TCIRG1: variants seen among roughly 807,000 people sequenced by gnomAD.
The protein encoded by TCIRG1 is T cell immune regulator 1, ATPase H+ transporting V0 subunit a3.
TCIRG1 carries 86 observed loss-of-function variants against 95.5 expected under a neutral mutation model. That is an observed-to-expected ratio of 0.90 (90% CI 0.76 to 1.08). TCIRG1 has a LOEUF of 1.08. Ranked by LOEUF, TCIRG1 falls within the 50% of genes least tolerant of loss-of-function variation. TCIRG1 has a pLI of 0.00. For missense variants in TCIRG1, 1,069 were observed against 1,140.2 expected, an observed-to-expected ratio of 0.94 and a Z score of 0.90; for synonymous variants, 499 against 501.3, an observed-to-expected ratio of 1.00 and a Z score of 0.06.
chr11:68,044,458 C>T, intron 9 of TCIRG1, 114 bp downstream of exon 9: 1 of 852,772 alleles, frequency 1.2e-6, no homozygotes, highest in South Asian at 1.5e-5. Flanking sequence ...CTAGGGGCTC[C>T]TTCTCCTCCC....
Position 68,045,054 on chromosome 11 carries a change from G to A in TCIRG1, c.1117G>A (p.Gly373Ser), listed in dbSNP as rs1855410170. 1 of 1,605,652 alleles carries A rather than the reference G, an allele frequency of 6.2e-7. No individual in the cohort carries two copies. The highest frequency in any genetic ancestry group is 8.5e-7 in the Non-Finnish European group (1 of 1,179,994). ...CAACCGCTTCACGGCCAGCTTCCAG[G>A]GCATCGTGGATGCCTACGGCGTGGG... The part of the protein sequence containing the change: ...RTNRFTASFQ[G>S]IVDAYGVGRY... The change falls in exon 10 of 20, where the codon GGC becomes AGC. Residue 373 changes from glycine (G) to serine (S), a missense_variant. By Grantham distance (56) the Gly-to-Ser change is moderately conservative. Transcript: ENST00000265686.
chr11:68,049,344 C>T (rs751948530), intron 15 of TCIRG1, 50 bp downstream of exon 15: 22 of 1,545,166 alleles, frequency 1.4e-5, no homozygotes, highest in South Asian at 8.2e-5. Flanking sequence ...ATGGGGACCC[C>T]GCGGTCACAG....
At chr11:68,044,680 C>T (rs557334945) in intron 9 of TCIRG1, 94 of 593,134 alleles carry the variant, frequency 1.6e-4, no homozygotes, top group African/African-American at 1.4e-3. Context: ...TCACCCGCCG[C>T]GCACAGCAGG....
downstream of TCIRG1, among the ~76,000 whole-genome samples, chr11:68,051,853 C>T (rs574135462): frequency 2.2e-4 from 33 of 152,234 alleles, no homozygotes; most frequent in African/African-American, 7.2e-4. Context: ...AGACTTGGGG[C>T]GGGCAGTGAG....
downstream of TCIRG1, chr11:68,051,946 C>CCAGT (rs1855811758): frequency 2.0e-5 from 3 of 152,520 alleles, no homozygotes; most frequent in Admixed American, 2.0e-4. Context: ...AGGGACATGA[C>CCAGT]CAGTCAGCCC....
chr11:68,046,646 AAC>A (rs59345723), intron 10 of TCIRG1, among the ~76,000 whole-genome samples: 43,946 of 151,958 alleles, frequency 0.29, 7,109 homozygotes, highest in African/African-American at 0.45. Flanking sequence ...TTGGGGTCAC[AAC>A]ACAGCCCCTG....
chr11:68,045,525 A>G (rs553281734), intron 10 of TCIRG1, among the ~76,000 whole-genome samples: 1 of 151,100 alleles, frequency 6.6e-6, no homozygotes, highest in South Asian at 2.1e-4. Context: ...AGCCAGGGGC[A>G]GCCTTTGGTG....
chr11:68,044,246 C>G lies in TCIRG1; in HGVS notation c.922C>G (p.Gln308Glu). 6.2e-7 allele frequency: 1 copy of G among 1,600,876 alleles called. No individual in the cohort carries two copies. Among genetic ancestry groups the G allele is most frequent in the Non-Finnish European group, 8.5e-7 (1 of 1,175,406 alleles). ...GAAGGCCGTGTACCTGGCCCTGAAC[C>G]AGTGCAGCGTGAGCACCACGCACAA... is the stretch of plus-strand genomic sequence containing the variant. ...KMKAVYLALNQCSVSTTHKCL... is the reference protein window; with the variant it reads ...KMKAVYLALNECSVSTTHKCL... The change falls in exon 9 of 20, where the codon CAG becomes GAG. Residue 308 changes from glutamine (Q) to glutamate (E), a missense_variant. Gln to Glu is a conservative substitution (Grantham distance 29, BLOSUM62 2). Coordinates refer to ENST00000265686, the MANE Select transcript of TCIRG1 (RefSeq NM_006019.4).
At chr11:68,041,445 C>T (rs565923410) in intron 2 of TCIRG1, 57 bp downstream of exon 2, 32 of 1,314,476 alleles carry the variant, frequency 2.4e-5, no homozygotes, top group East Asian at 4.6e-5. Context: ...GCCCGGAGGC[C>T]GGTCCAGGAT....
chr11:68,045,734 G>A (rs1435010738), intron 10 of TCIRG1, among the ~76,000 whole-genome samples: 1 of 152,156 alleles, frequency 6.6e-6, no homozygotes, highest in African/African-American at 2.4e-5. Flanking sequence ...CATATTTTTA[G>A]TAGAGATGGG....
intron 6 of TCIRG1, 21 bp downstream of exon 6, chr11:68,043,518 T>G: frequency 6.3e-7 from 1 of 1,581,542 alleles, no homozygotes; most frequent in Non-Finnish European, 8.6e-7. Flanking sequence ...GGCGCTGGGC[T>G]GGGGGGTCCT....
chr11:68,048,446 A>G (rs1855619131), intron 13 of TCIRG1: 1 of 342,260 alleles, frequency 2.9e-6, no homozygotes, highest in Non-Finnish European at 5.7e-6. Context: ...GGCGCCCGCC[A>G]CCATGCCTGG....
downstream of TCIRG1, among the ~76,000 whole-genome samples, chr11:68,052,616 G>A (rs1006464477): frequency 2.0e-5 from 3 of 152,318 alleles, no homozygotes; most frequent in Admixed American, 2.0e-4. Context: ...AGTCTCCAAC[G>A]TCCTCCAGGG....
intron 10 of TCIRG1, chr11:68,047,025 T>C (rs1156783509): frequency 4.8e-6 from 2 of 412,982 alleles, no homozygotes; most frequent in South Asian, 3.5e-5. Context: ...TTTTTTTTTT[T>C]CGGAGACAGA....
Position 68,048,584 on chromosome 11 carries a change from G to A in TCIRG1, c.1555-295G>A, listed in dbSNP as rs115804584. On this transcript the variant is annotated intron_variant, in intron 13 of 19. Coordinates refer to ENST00000265686, the MANE Select transcript of TCIRG1 (RefSeq NM_006019.4). Reference sequence around the variant, plus strand: ...GCTGGGATTACAGGCGTGAGTCACCGCGCCCAGCCTGATTTTCTATTTGAA... The same window carrying A: ...GCTGGGATTACAGGCGTGAGTCACCACGCCCAGCCTGATTTTCTATTTGAA... Among the ~76,000 whole-genome samples the A allele has an allele frequency of 5.7e-3, 864 of 152,280 alleles. 13 individuals carry two copies. The highest frequency in any genetic ancestry group is 0.02 in the African/African-American group (834 of 41,552).
chr11:68,050,433 G>A (rs1300203100), intron 18 of TCIRG1, 54 bp from the exon 19 acceptor site: 1 of 1,611,018 alleles, frequency 6.2e-7, no homozygotes, highest in Non-Finnish European at 8.5e-7. Context: ...AGGTAGGTAG[G>A]GGGCTGGCAG....
chr11:68,045,993 G>T (rs1855464175), intron 10 of TCIRG1, among the ~76,000 whole-genome samples: 1 of 152,240 alleles, frequency 6.6e-6, no homozygotes, highest in African/African-American at 2.4e-5. Flanking sequence ...GTGTCCTGGG[G>T]CTGGATCTGG....
At position 68,049,998 on chromosome 11, in the gene TCIRG1, G is replaced by A. The variant is rs550481991; in HGVS notation, c.2050G>A (p.Ala684Thr). The A allele has an allele frequency of 6.9e-5, 112 of 1,612,986 alleles. 1 individual carries two copies. The South Asian group carries it at 1.0e-3, about 15-fold the overall frequency. ...NKAGLLDLPD[A>T]SVNGWSSDEE... ...GGCCGGGTTGCTGGACCTGCCTGAC[G>A]CATCTGTGAATGGCTGGAGCTCCGA... The change falls in exon 17 of 20, where the codon GCA (alanine) becomes ACA (threonine). Residue 684 changes from alanine to threonine, a missense_variant. Ala to Thr is a moderately conservative substitution (Grantham distance 58, BLOSUM62 0). Coordinates refer to ENST00000265686, the MANE Select transcript of TCIRG1 (RefSeq NM_006019.4).
At chr11:68,046,930 T>C (rs567733410) in intron 10 of TCIRG1, 5 of 456,226 alleles carry the variant, frequency 1.1e-5, no homozygotes, top group Non-Finnish European at 2.2e-5. Context: ...TTACCTGCAT[T>C]TTACAGATGG....
Sources: gnomAD v4.1 joint callset for allele counts (sites outside exome capture counted in the v4.1 genomes callset) on GRCh38, gnomAD v4.1.1 for gene constraint, MANE v1.5 for transcripts, NCBI Gene and HGNC (gene_info 2026-07-23, HGNC 2026-07-21) for gene names.